Variants in TNS1 observed in about 807,000 individuals in gnomAD.
TNS1 encodes tensin-1.
A neutral mutation model predicts 168.6 loss-of-function variants in TNS1; 62 were observed. The observed-to-expected ratio is 0.37, with a 90% CI of 0.30 to 0.45. The LOEUF (loss-of-function observed/expected upper bound fraction) is 0.45. Among genes scored for constraint, TNS1 ranks in the 20% least tolerant of loss-of-function variants. TNS1 has a pLI of 1.00. For missense variants in TNS1, 2,240 were observed against 2,339.4 expected, an observed-to-expected ratio of 0.96 and a Z score of 0.88; for synonymous variants, 934 against 933.2, an observed-to-expected ratio of 1.00 and a Z score of -0.02.
chr2:217,802,860 T>C lies in TNS1; in HGVS notation c.*1599A>G, dbSNP rs577390598. ...TCATGTATATATTATATAATATTTATATATCAGTACAATGCCTCTCTCTAG... is the reference window on the plus strand; with the variant it reads ...TCATGTATATATTATATAATATTTACATATCAGTACAATGCCTCTCTCTAG... On this transcript the variant is annotated 3_prime_UTR_variant, in exon 33 of 33. Transcript: ENST00000682258. The C allele has an allele frequency of 3.3e-5, 5 of 152,776 alleles. No individual in the cohort carries two copies. In the East Asian group the frequency reaches 7.7e-4, roughly 24 times the overall value. 9.5% of individuals were successfully genotyped at this position (152,776 alleles called of 1,614,324 possible).
At chr2:217,921,025 G>A (rs936699799) in intron 3 of TNS1, among the ~76,000 whole-genome samples, 5 of 150,126 alleles carry the variant, frequency 3.3e-5, no homozygotes, top group Admixed American at 6.6e-5. Flanking sequence ...GGGAGGGAGC[G>A]AGAGGGAGGA....
chr2:217,813,223 G>A lies in TNS1; in HGVS notation c.4946C>T (p.Pro1649Leu). Residue 1649 changes from proline (P) to leucine (L), a missense_variant, in exon 27 of 33, where the codon CCA becomes CTA. By Grantham distance (98) the Pro-to-Leu change is moderately conservative. Coordinates refer to ENST00000682258, the MANE Select transcript of TNS1 (RefSeq NM_001387777.1). This position sits in a 1 kb window ranked among gnomAD's most constrained non-coding sequence, Gnocchi z 4.0. ...GCAGGGGGACAGCTCACCGAAGTTT[G>A]GCTCATTGGGGCAGCCCTTGAGCTT... ...GVKLKGCPNE[P>L]NFGSLSALVY... 1 of 1,602,044 alleles carries A rather than the reference G, an allele frequency of 6.2e-7. No homozygotes were observed. The highest frequency in any genetic ancestry group is 2.2e-5 in the East Asian group (1 of 44,526).
At position 217,804,502 on chromosome 2, in the gene TNS1, T is replaced by C. The variant is rs61741262; in HGVS notation, c.5477A>G (p.Asn1826Ser). The C allele has an allele frequency of 0.1, 162,739 of 1,613,970 alleles. 9,383 individuals carry two copies. The highest frequency in any genetic ancestry group is 0.12 in the Non-Finnish European group (136,466 of 1,179,918). The change falls in exon 33 of 33, where the codon AAC (asparagine) becomes AGC (serine). Residue 1826 changes from asparagine to serine, a missense_variant. Asn to Ser is a conservative substitution (Grantham distance 46). Around this residue, in one of 2 missense-constraint regions of TNS1, gnomAD observed 109 missense variants for 168.1 expected, o/e 0.65. Transcript: ENST00000682258. Reference sequence around the variant, plus strand: ...ATTCAGCATGACCTTGGAGACGAAGTTGACGATGGCAGAGGCCGGCTGGTT... The same window carrying C: ...ATTCAGCATGACCTTGGAGACGAAGCTGACGATGGCAGAGGCCGGCTGGTT... The part of the protein sequence containing the change: ...DPNQPASAIV[N>S]FVSKVMLNAG...
chr2:217,900,481 G>T lies in TNS1; in HGVS notation c.353C>A (p.Pro118His). Reference protein sequence around the residue: ...GSTRVTPSVQPHLQPIRNMSV... With the variant: ...GSTRVTPSVQHHLQPIRNMSV... ...GGCATACCTGATGGGCTGGAGGTGG[G>T]GCTGGACACTCGGGGTGACCCTGGT... is the stretch of plus-strand genomic sequence containing the variant. The change falls in exon 7 of 33, where the codon CCC becomes CAC. Residue 118 changes from proline (P) to histidine (H), a missense_variant. This residue lies in a region of TNS1 where 2,131 missense variants were observed against 2,171.2 expected (regional missense o/e 0.98). Coordinates refer to ENST00000682258, the MANE Select transcript of TNS1 (RefSeq NM_001387777.1). 6.5e-7 allele frequency: 1 copy of T among 1,535,458 alleles called. No homozygotes were observed. Among genetic ancestry groups the T allele is most frequent in the Non-Finnish European group, 8.7e-7 (1 of 1,146,730 alleles).
intron 3 of TNS1, among the ~76,000 whole-genome samples, chr2:217,924,337 C>T (rs1955896506): frequency 6.6e-6 from 1 of 152,106 alleles, no homozygotes; most frequent in African/African-American, 2.4e-5. Flanking sequence ...CACACAGCCC[C>T]ACACAATATT....
At chr2:217,837,306 C>G (rs1163984143) in intron 19 of TNS1, among the ~76,000 whole-genome samples, 2 of 152,212 alleles carry the variant, frequency 1.3e-5, no homozygotes, top group African/African-American at 4.8e-5. Context: ...CATCTTCTGC[C>G]ATCCACAGTG....
intron 4 of TNS1, among the ~76,000 whole-genome samples, chr2:217,908,321 C>T (rs1953944089): frequency 6.6e-6 from 1 of 152,160 alleles, no homozygotes; most frequent in African/African-American, 2.4e-5. Flanking sequence ...CCAGGTTCAC[C>T]TCCTGATCAG....
intron 18 of TNS1, chr2:217,859,472 C>G (rs1008266533): frequency 1.6e-6 from 1 of 623,316 alleles, no homozygotes; most frequent in East Asian, 2.7e-5. Context: ...GAGGTGAACA[C>G]AGGACCTGAA....
chr2:218,001,404 G>A (rs1050243357), intron 1 of TNS1, among the ~76,000 whole-genome samples: 17 of 152,126 alleles, frequency 1.1e-4, no homozygotes, highest in Non-Finnish European at 5.9e-5. Flanking sequence ...ACTTTTCCCA[G>A]TATCAGTCAG....
chr2:217,934,637 C>A (rs1956506511), intron 3 of TNS1, among the ~76,000 whole-genome samples: 1 of 152,254 alleles, frequency 6.6e-6, no homozygotes. Flanking sequence ...ACCTGAGTCA[C>A]TGGGACAGAG....
chr2:217,850,929 C>G (rs956108028), intron 18 of TNS1, among the ~76,000 whole-genome samples: 1 of 152,164 alleles, frequency 6.6e-6, no homozygotes, highest in Non-Finnish European at 1.5e-5. Flanking sequence ...ACTCTACACG[C>G]ACATCCTCTC....
Position 217,964,799 on chromosome 2 carries a change from C to T in TNS1, c.186+13966G>A, listed in dbSNP as rs189316814. Among the ~76,000 whole-genome samples the T allele has an allele frequency of 5.6e-3, 854 of 152,324 alleles. 6 individuals carry two copies. Among genetic ancestry groups the T allele is most frequent in the Middle Eastern group, 0.01 (3 of 294 alleles). ...ACCCTCGCTTGGGTGCGCCGGGCCG[C>T]GCCAGAGGAAACAGGCCAGGGGGTT... On this transcript the variant is annotated intron_variant, in intron 3 of 32. Coordinates refer to ENST00000682258, the MANE Select transcript of TNS1 (RefSeq NM_001387777.1).
upstream of TNS1, among the ~76,000 whole-genome samples, chr2:218,007,842 T>C (rs1372750017): frequency 6.6e-6 from 1 of 151,896 alleles, no homozygotes; most frequent in Non-Finnish European, 1.5e-5. Context: ...GAGTGGGAGC[T>C]CAAGTCCCAT....
chr2:217,980,643 TC>T lies in TNS1; in HGVS notation c.149-1842del, dbSNP rs1559398547. 2.0e-5 allele frequency among the ~76,000 whole-genome samples: 3 copies of T among 151,612 alleles called. No homozygotes were observed. In the South Asian group the frequency reaches 6.3e-4, roughly 32 times the overall value. On this transcript the variant is annotated intron_variant, in intron 2 of 32. Transcript: ENST00000682258. The stretch of plus-strand genomic sequence containing the variant: ...TTATGCGCACCCCAATTTAGTCATG[TC>T]CCCCCGACTCTCAGATCGTTCCTGA...
At chr2:217,877,385 C>T (rs1341884479) in intron 18 of TNS1, among the ~76,000 whole-genome samples, 1 of 152,214 alleles carries the variant, frequency 6.6e-6, no homozygotes, top group East Asian at 1.9e-4. Flanking sequence ...AATATCAACT[C>T]CACATCTTGT....
chr2:217,906,490 G>C, intron 5 of TNS1, 105 bp from the exon 6 acceptor site: 1 of 675,946 alleles, frequency 1.5e-6, no homozygotes, highest in Non-Finnish European at 2.7e-6. Flanking sequence ...TGGCAGAGGG[G>C]CCTGGGAAAG....
intron 10 of TNS1, 23 bp downstream of exon 10, chr2:217,893,400 GCACACACACACACACA>G: frequency 3.4e-6 from 5 of 1,461,504 alleles, no homozygotes; most frequent in Non-Finnish European, 4.6e-6. Context: ...GTGCGCGCGC[GCACACACACACACACA>G]CACACACACA....
At chr2:217,999,165 A>C (rs1014440573) in intron 1 of TNS1, among the ~76,000 whole-genome samples, 2 of 152,174 alleles carry the variant, frequency 1.3e-5, no homozygotes, top group Non-Finnish European at 2.9e-5. Context: ...CGGACCCCAC[A>C]TGTCCTGCCC....
intron 3 of TNS1, among the ~76,000 whole-genome samples, chr2:217,935,317 G>A (rs564998905): frequency 7.2e-5 from 11 of 152,384 alleles, no homozygotes; most frequent in South Asian, 2.1e-4. Context: ...CAGGCCCTCC[G>A]GAGGCTCTGG....
Sources: allele counts gnomAD v4.1 joint callset (sites outside exome capture counted in the v4.1 genomes callset), GRCh38; gene constraint gnomAD v4.1.1; regional missense constraint gnomAD v4.1.1; non-coding constraint Gnocchi (gnomAD v3.1); transcripts MANE v1.5; gene names NCBI Gene and HGNC (gene_info 2026-07-23, HGNC 2026-07-21).